The following SIPA1L2 variants were observed in gnomAD, a reference collection of about 807,000 sequenced individuals.
SIPA1L2 encodes the protein signal induced proliferation associated 1 like 2.
SIPA1L2 carries 56 observed loss-of-function variants against 163.9 expected under a neutral mutation model. The ratio of observed to expected loss-of-function variants is 0.34; its 90% CI spans 0.28 to 0.43. The LOEUF is 0.43. Among genes scored for constraint, SIPA1L2 ranks in the 20% least tolerant of loss-of-function variants. The probability of loss-of-function intolerance (pLI) is 1.00; values close to 1 mark genes in which losing one functional copy is unlikely to be tolerated. For synonymous variants in SIPA1L2, 877 were observed against 865.7 expected, an observed-to-expected ratio of 1.01 and a Z score of -0.23; for missense variants, 1,974 against 2,193.5, an observed-to-expected ratio of 0.90 and a Z score of 2.00.
intron 19 of SIPA1L2, among the ~76,000 whole-genome samples, chr1:232,414,475 G>A (rs550474478): frequency 1.3e-5 from 2 of 152,322 alleles, no homozygotes; most frequent in South Asian, 4.1e-4. Context: ...GAGGCCTGGT[G>A]TCACAGGTGA....
intron 1 of SIPA1L2, among the ~76,000 whole-genome samples, chr1:232,622,486 A>G (rs1051478616): frequency 1.3e-5 from 2 of 152,252 alleles, no homozygotes; most frequent in African/African-American, 2.4e-5. Context: ...AGTAAGCTTG[A>G]TTAAGCCCCA....
intron 2 of SIPA1L2, among the ~76,000 whole-genome samples, chr1:232,537,612 TAATAA>T (rs1657392565): frequency 6.6e-6 from 1 of 152,210 alleles, no homozygotes; most frequent in Non-Finnish European, 1.5e-5. Context: ...AGCAATGGTG[TAATAA>T]TGGCTAGTAG....
Position 232,598,194 on chromosome 1 carries a change from G to A in SIPA1L2, c.-318-23972C>T, listed in dbSNP as rs545148695. ...AGACAGGAGGATTGCTTGAGCCCAG[G>A]AGTTTGAGACTAGCCTGGGCAACAT... On this transcript the variant is annotated intron_variant, in intron 1 of 22. Transcript: ENST00000674635. 5.8e-4 allele frequency among the ~76,000 whole-genome samples: 88 copies of A among 151,242 alleles called. 2 individuals carry two copies. In the South Asian group the frequency reaches 6.9e-3, roughly 12 times the overall value.
In SIPA1L2 at chr1:232,572,748, T is replaced by TACATACATAC. The variant is rs1235626162; in HGVS notation, c.-270+1425_-270+1426insGTATGTATGT. ...ATATATACATACATACATATATATA[T>TACATACATAC]ATATATATATATATATATATATATA... On this transcript the variant is annotated intron_variant, in intron 2 of 22. Transcript: ENST00000674635. Among the ~76,000 whole-genome samples, 3 of 56,146 alleles carry TACATACATAC rather than the reference T, an allele frequency of 5.3e-5. No individual in the cohort carries two copies. In the East Asian group the frequency reaches 1.6e-3, roughly 30 times the overall value. The allele number at this position is 56,146 out of a possible 152,430, so 36.8% of individuals were successfully genotyped here.
chr1:232,609,426 T>C (rs1426721998), intron 1 of SIPA1L2, among the ~76,000 whole-genome samples: 2 of 152,176 alleles, frequency 1.3e-5, no homozygotes, highest in African/African-American at 4.8e-5. Flanking sequence ...TGTGAAAGGG[T>C]GTCTCTATTA....
Position 232,461,166 on chromosome 1 carries a change from G to C in SIPA1L2, c.2821-5C>G, listed in dbSNP as rs142529264. ...CTCGCAGCCTCTCGTCACTATCTAA[G>C]GGGGAAGGAGACTGTTAGAGATGCC... On this transcript the variant is annotated splice_polypyrimidine_tract_variant and splice_region_variant and intron_variant, in intron 9 of 22. Coordinates refer to ENST00000674635, the MANE Select transcript of SIPA1L2 (RefSeq NM_020808.5). 6.2e-7 allele frequency: 1 copy of C among 1,612,772 alleles called. No individual in the cohort carries two copies. The highest frequency in any genetic ancestry group is 2.2e-5 in the East Asian group (1 of 44,876).
intron 19 of SIPA1L2, among the ~76,000 whole-genome samples, chr1:232,411,347 G>T (rs886463699): frequency 6.6e-6 from 1 of 152,146 alleles, no homozygotes. Context: ...TATCCTAGAG[G>T]TATCTGGGGT....
At chr1:232,602,953 C>A (rs901215869) in intron 1 of SIPA1L2, among the ~76,000 whole-genome samples, 13 of 152,290 alleles carry the variant, frequency 8.5e-5, no homozygotes, top group African/African-American at 2.4e-4. Flanking sequence ...ATTGAACACA[C>A]CAGCTAGAAA....
chr1:232,581,368 G>C (rs1660363003), intron 1 of SIPA1L2, among the ~76,000 whole-genome samples: 1 of 152,106 alleles, frequency 6.6e-6, no homozygotes, highest in Non-Finnish European at 1.5e-5. Flanking sequence ...GGAGGGTGTG[G>C]GCTGCAGCCG....
chr1:232,425,674 G>T lies in SIPA1L2; in HGVS notation c.4545C>A (p.Asn1515Lys), dbSNP rs370081594. ...RSSVLDQALP[N>K]DILFSTTPPY... ...GTGGGGTGGTGCTGAACAGAATGTC[G>T]TTGGGCAGGGCCTGGTCAAGCACGG... Residue 1515 changes from asparagine to lysine, a missense_variant, in exon 18 of 23, where the codon AAC becomes AAA. By Grantham distance (94) the Asn-to-Lys change is moderately conservative (BLOSUM62 0). Around this residue, in one of 3 missense-constraint regions of SIPA1L2, gnomAD observed 1,079 missense variants for 1,150.7 expected, o/e 0.94. Transcript: ENST00000674635. 9 of 1,613,776 alleles carry T rather than the reference G, an allele frequency of 5.6e-6. No individual in the cohort carries two copies. The highest frequency in any genetic ancestry group is 7.6e-6 in the Non-Finnish European group (9 of 1,179,942).
intron 9 of SIPA1L2, chr1:232,462,397 A>G (rs1167545362): frequency 4.1e-6 from 6 of 1,470,482 alleles, no homozygotes; most frequent in Non-Finnish European, 4.5e-6. Context: ...TACCTATTTA[A>G]TAAGACCTAT....
intron 2 of SIPA1L2, among the ~76,000 whole-genome samples, chr1:232,519,731 A>C (rs1182552945): frequency 6.6e-6 from 1 of 152,228 alleles, no homozygotes; most frequent in African/African-American, 2.4e-5. Flanking sequence ...CTATGAAACG[A>C]AATATTAAAA....
chr1:232,580,441 G>A (rs1660315379), intron 1 of SIPA1L2, among the ~76,000 whole-genome samples: 1 of 152,174 alleles, frequency 6.6e-6, no homozygotes, highest in African/African-American at 2.4e-5. Context: ...TCCTGGGAAA[G>A]CAGCCCAGTA....
At chr1:232,629,402 C>G (rs143111175) in intron 1 of SIPA1L2, among the ~76,000 whole-genome samples, 1 of 152,306 alleles carries the variant, frequency 6.6e-6, no homozygotes, top group Non-Finnish European at 1.5e-5. Context: ...GGGATCCGTC[C>G]CGGTGAGGGC....
chr1:232,545,437 GTT>G (rs1657975982), intron 2 of SIPA1L2, among the ~76,000 whole-genome samples: 1 of 152,002 alleles, frequency 6.6e-6, no homozygotes, highest in Non-Finnish European at 1.5e-5. Context: ...GGCTTGGTTT[GTT>G]TTTAATTATG....
chr1:232,474,121 C>A (rs1219293269), intron 7 of SIPA1L2, among the ~76,000 whole-genome samples: 1 of 152,112 alleles, frequency 6.6e-6, no homozygotes, highest in African/African-American at 2.4e-5. Context: ...CGCAGGCTGG[C>A]AAAACCTGAC....
chr1:232,454,607 A>G (rs1663786725), intron 10 of SIPA1L2, among the ~76,000 whole-genome samples: 1 of 152,198 alleles, frequency 6.6e-6, no homozygotes, highest in South Asian at 2.1e-4. Context: ...GAGAATATCC[A>G]ATGGCTGTCC....
At chr1:232,413,783 A>C (rs777322182) in intron 19 of SIPA1L2, among the ~76,000 whole-genome samples, 10 of 152,344 alleles carry the variant, frequency 6.6e-5, no homozygotes, top group Non-Finnish European at 1.3e-4. Context: ...CAGTGCGTTC[A>C]GTACTCTGCA....
Position 232,425,472 on chromosome 1 carries a change from T to G in SIPA1L2, c.4630+117A>C, listed in dbSNP as rs753184287. ...ATTTAAAACACCAAATAATATATAT[T>G]TAATAAAAACAAAAACAAACTCCTA... On this transcript the variant is annotated intron_variant, in intron 18 of 22. Transcript: ENST00000674635. 1.2e-5 allele frequency: 9 copies of G among 726,634 alleles called. No homozygotes were observed. The African/African-American group carries it at 1.3e-4, about 10-fold the overall frequency. 45.0% of individuals were successfully genotyped at this position (726,634 alleles called of 1,614,324 possible).
Sources: allele counts gnomAD v4.1 joint callset (sites outside exome capture counted in the v4.1 genomes callset), GRCh38; gene constraint gnomAD v4.1.1; regional missense constraint gnomAD v4.1.1; transcripts MANE v1.5; gene names NCBI Gene and HGNC (gene_info 2026-07-23, HGNC 2026-07-21).